The following RYR2 variants were observed in gnomAD, a reference collection of about 807,000 sequenced individuals.
RYR2 encodes the protein cardiac muscle ryanodine receptor-calcium release channel.
In RYR2, 227 loss-of-function variants were observed where a neutral mutation model predicts 601.1. The ratio of observed to expected loss-of-function variants is 0.38; its 90% CI spans 0.34 to 0.42. RYR2 has a LOEUF of 0.42. Among genes scored for constraint, RYR2 ranks in the 10% least tolerant of loss-of-function variants. The pLI is 1.00. For synonymous variants in RYR2, 2,223 were observed against 2,175.1 expected (o/e 1.02, Z -0.61); for missense variants, 4,646 against 6,156.5 (o/e 0.75, Z 8.21).
intron 1 of RYR2, among the ~76,000 whole-genome samples, chr1:237,198,112 C>T (rs1029815507): frequency 2.0e-5 from 3 of 152,244 alleles, no homozygotes; most frequent in Non-Finnish European, 4.4e-5. Context: ...AGAGAATGGC[C>T]CAGTCCGGGT....
chr1:237,791,936 C>T (rs1258999286), intron 93 of RYR2, 169 bp from the exon 94 acceptor site: 3 of 605,810 alleles, frequency 5.0e-6, no homozygotes, highest in East Asian at 2.8e-5. Context: ...TCATTACTTG[C>T]CTTTGGTTTT....
Position 237,106,171 on chromosome 1 carries a change from A to T in RYR2, c.48+63602A>T, listed in dbSNP as rs1572651053. ...GGAGTCATTGCAATCCTTTGAGCTG[A>T]GGGGTAGCTCGTTCTGATTTTCATT... On this transcript the variant is annotated intron_variant, in intron 1 of 104. Transcript: ENST00000366574. This position sits in a 1 kb window ranked among gnomAD's most constrained non-coding sequence, Gnocchi z 4.4. 6.6e-6 allele frequency among the ~76,000 whole-genome samples: 1 copy of T among 152,150 alleles called. No individual in the cohort carries two copies. Among genetic ancestry groups the T allele is most frequent in the East Asian group, 1.9e-4 (1 of 5,178 alleles).
intron 25 of RYR2, among the ~76,000 whole-genome samples, chr1:237,536,873 G>C (rs531539973): frequency 2.0e-5 from 3 of 149,068 alleles, no homozygotes; most frequent in South Asian, 4.2e-4. Flanking sequence ...GCGACAGAGC[G>C]AGACTCCATC....
At position 237,700,383 on chromosome 1, in the gene RYR2, A is replaced by G; in HGVS notation, c.9283A>G (p.Asn3095Asp). ...NQPKGVTQII[N>D]YTTVALLPML... ...GCCCAAAGGGGTTACTCAGATTATCAATTACACCACAGTGGCCCTGCTGCC... is the reference window on the plus strand; with the variant it reads ...GCCCAAAGGGGTTACTCAGATTATCGATTACACCACAGTGGCCCTGCTGCC... Residue 3095 changes from asparagine (N) to aspartate (D), a missense_variant, in exon 65 of 105, where the codon AAT (asparagine) becomes GAT (aspartate). Transcript: ENST00000366574. The G allele has an allele frequency of 1.2e-6, 2 of 1,608,340 alleles. No homozygotes were observed. Among genetic ancestry groups the G allele is most frequent in the Admixed American group, 1.7e-5 (1 of 59,316 alleles).
chr1:237,204,196 G>T (rs57771459), intron 1 of RYR2, among the ~76,000 whole-genome samples: 1 of 151,766 alleles, frequency 6.6e-6, no homozygotes, highest in Non-Finnish European at 1.5e-5. Context: ...TTTTTGTAGA[G>T]ACAGGGTTTA....
chr1:237,755,064 G>A (rs976921528), intron 80 of RYR2: 6 of 1,288,358 alleles, frequency 4.7e-6, no homozygotes, highest in South Asian at 2.5e-5. Context: ...TTCGCAGCAC[G>A]ATATTATCAA....
intron 64 of RYR2, 74 bp downstream of exon 64, chr1:237,699,099 G>A (rs1229928343): frequency 2.9e-6 from 2 of 685,668 alleles, no homozygotes; most frequent in Non-Finnish European, 4.8e-6. Flanking sequence ...ATATTAAGAA[G>A]GACCCAGTGT....
chr1:237,183,544 G>C (rs758850983), intron 1 of RYR2, among the ~76,000 whole-genome samples: 9 of 152,190 alleles, frequency 5.9e-5, no homozygotes, highest in Non-Finnish European at 1.3e-4. Context: ...ATGAAGGAAA[G>C]AGTATTGAAA....
intron 1 of RYR2, among the ~76,000 whole-genome samples, chr1:237,069,806 TTATTGGTTTTCACGTTAATAC>T (rs1664082082): frequency 6.6e-6 from 1 of 152,230 alleles, no homozygotes; most frequent in Non-Finnish European, 1.5e-5. Flanking sequence ...AGATTTTATT[TTATTGGTTTTCACGTTAATAC>T]TGTTTTTCCC....
At chr1:237,518,328 A>G (rs1347456634) in intron 24 of RYR2, among the ~76,000 whole-genome samples, 2 of 152,172 alleles carry the variant, frequency 1.3e-5, no homozygotes, top group African/African-American at 2.4e-5. Context: ...TAAAGTAACA[A>G]AAGTCAAGAC....
chr1:237,372,033 C>A (rs910989987), intron 6 of RYR2, among the ~76,000 whole-genome samples: 1 of 152,008 alleles, frequency 6.6e-6, no homozygotes, highest in African/African-American at 2.4e-5. Flanking sequence ...GGCACATGTA[C>A]CCTAGAACTT....
At chr1:237,332,614 A>AAG (rs1352053908) in intron 3 of RYR2, among the ~76,000 whole-genome samples, 1 of 152,200 alleles carries the variant, frequency 6.6e-6, no homozygotes, top group African/African-American at 2.4e-5. Flanking sequence ...TTTATAAAGA[A>AAG]AGATCATTTT....
rs75648330 is a variant in RYR2, at chr1:237,796,602, A to G, written c.13956+1271A>G. Among the ~76,000 whole-genome samples the G allele has an allele frequency of 9.3e-3, 1,418 of 152,172 alleles. 25 individuals carry two copies. The highest frequency in any genetic ancestry group is 0.033 in the African/African-American group (1,352 of 41,514). ...TATCTGTTAATCCCTTCTTTTCATC[A>G]GTATATTTCCTTCTTCATTCACTTC... is the stretch of plus-strand genomic sequence containing the variant. On this transcript the variant is annotated intron_variant, in intron 96 of 104. Transcript: ENST00000366574.
Position 237,730,342 on chromosome 1 carries a change from A to C in RYR2, c.10921A>C (p.Ile3641Leu), listed in dbSNP as rs1479701599. The C allele has an allele frequency of 6.4e-7, 1 of 1,573,498 alleles. No homozygotes were observed. Among genetic ancestry groups the C allele is most frequent in the Admixed American group, 1.7e-5 (1 of 59,804 alleles). Residue 3641 changes from isoleucine (I) to leucine (L), a missense_variant, in exon 77 of 105, where the codon ATA (isoleucine) becomes CTA (leucine). This residue lies in a region of RYR2 where 1,497 missense variants were observed against 1,842.6 expected (regional missense o/e 0.81). Transcript: ENST00000366574. ...TEEHYFEDKL[I>L]EDLAKPGAEP... Reference sequence around the variant, plus strand: ...AGAACATTACTTTGAAGATAAACTGATAGAAGATTTAGCAGTATGTTTTTA... The same window carrying C: ...AGAACATTACTTTGAAGATAAACTGCTAGAAGATTTAGCAGTATGTTTTTA...
chr1:237,627,822 T>A lies in RYR2; in HGVS notation c.6182T>A (p.Leu2061Gln). Residue 2061 changes from leucine (L) to glutamine (Q), a missense_variant, in exon 41 of 105, where the codon CTG becomes CAG. Coordinates refer to ENST00000366574, the MANE Select transcript of RYR2 (RefSeq NM_001035.3). Reference protein sequence around the residue: ...DSKKSSTLQQLISETMVRWAQ... With the variant: ...DSKKSSTLQQQISETMVRWAQ... ...GACTTTGCAGCCACTCTGCAGCAGC[T>A]GATTTCTGAGACCATGGTCCGATGG... 6.2e-7 allele frequency: 1 copy of A among 1,604,654 alleles called. No individual in the cohort carries two copies. Among genetic ancestry groups the A allele is most frequent in the Non-Finnish European group, 8.5e-7 (1 of 1,172,848 alleles).
At chr1:237,341,231 A>C (rs1697742689) in intron 3 of RYR2, among the ~76,000 whole-genome samples, 1 of 152,202 alleles carries the variant, frequency 6.6e-6, no homozygotes, top group Non-Finnish European at 1.5e-5. Flanking sequence ...TTCATTTGTA[A>C]ACATATGATA....
chr1:237,611,043 T>C, intron 36 of RYR2, 55 bp downstream of exon 36: 2 of 1,490,074 alleles, frequency 1.3e-6, no homozygotes, highest in South Asian at 2.4e-5. Context: ...ATTAGCCTGC[T>C]GCCCGGGGCT....
chr1:237,714,080 C>A (rs894660705), intron 71 of RYR2, among the ~76,000 whole-genome samples: 1 of 152,022 alleles, frequency 6.6e-6, no homozygotes, highest in African/African-American at 2.4e-5. Context: ...AAGAGCTTGG[C>A]TTTCAGAGGC....
At chr1:237,066,510 T>C (rs1477750130) in intron 1 of RYR2, among the ~76,000 whole-genome samples, 1 of 152,178 alleles carries the variant, frequency 6.6e-6, no homozygotes, top group Non-Finnish European at 1.5e-5. Context: ...CATTTGGTAT[T>C]GTAACTGTTT....
Sources: gnomAD v4.1 joint callset for allele counts (sites outside exome capture counted in the v4.1 genomes callset) on GRCh38, gnomAD v4.1.1 for gene constraint, gnomAD v4.1.1 regional missense constraint, Gnocchi (gnomAD v3.1) non-coding constraint, MANE v1.5 for transcripts, NCBI Gene and HGNC (gene_info 2026-07-23, HGNC 2026-07-21) for gene names.